Variants in RIF1 observed in about 807,000 individuals in gnomAD.
The protein encoded by RIF1 is replication timing regulatory factor 1.
In RIF1, 45 loss-of-function variants were observed where a neutral mutation model predicts 247.1. The observed-to-expected ratio is 0.18, with a 90% CI of 0.14 to 0.23. RIF1 has a LOEUF of 0.23. Among genes scored for constraint, RIF1 ranks in the 10% least tolerant of loss-of-function variants. RIF1 has a pLI of 1.00. For missense variants in RIF1, 2,967 were observed against 2,862.5 expected (o/e 1.04, Z -0.83); for synonymous variants, 1,087 against 978.8 (o/e 1.11, Z -2.06).
chr2:151,450,655 C>T (rs889115860), intron 20 of RIF1, among the ~76,000 whole-genome samples: 1 of 152,038 alleles, frequency 6.6e-6, no homozygotes, highest in African/African-American at 2.4e-5. Context: ...GTGAACTCGG[C>T]TCACTGCAGC....
the RIF1 span, chr2:151,524,633 A>G: frequency 1.5e-6 from 2 of 1,376,308 alleles, no homozygotes; most frequent in Admixed American, 1.7e-5. Flanking sequence ...TGGGGAAGAA[A>G]ATGTTTACTC....
intron 30 of RIF1, 134 bp from the exon 31 acceptor site, chr2:151,467,864 CTG>C: frequency 2.9e-6 from 2 of 691,386 alleles, no homozygotes; most frequent in Non-Finnish European, 2.4e-6. Context: ...TCGCTAGGAA[CTG>C]TGCAGCTGAC....
intron 20 of RIF1, among the ~76,000 whole-genome samples, chr2:151,447,039 G>T (rs999897281): frequency 5.3e-5 from 8 of 151,434 alleles, no homozygotes; most frequent in African/African-American, 1.7e-4. Flanking sequence ...CGCCTCCCGG[G>T]TTCACGCCAT....
intron 11 of RIF1, among the ~76,000 whole-genome samples, chr2:151,502,136 G>A (rs2065102451): frequency 6.6e-6 from 1 of 152,134 alleles, no homozygotes; most frequent in Non-Finnish European, 1.5e-5. Context: ...ACCAAACATT[G>A]TATGTTCTCA....
chr2:151,411,236 C>A, intron 2 of RIF1, 24 bp from the exon 3 acceptor site: 2 of 1,426,620 alleles, frequency 1.4e-6, no homozygotes, highest in South Asian at 1.2e-5. Context: ...ACTACTTAAA[C>A]TTGTGTTCTT....
At chr2:151,415,127 C>T (rs973318394) in intron 4 of RIF1, among the ~76,000 whole-genome samples, 1 of 151,900 alleles carries the variant, frequency 6.6e-6, no homozygotes, top group Non-Finnish European at 1.5e-5. Context: ...GCGGGTGGAT[C>T]ATGAGGTCAG....
intron 20 of RIF1, among the ~76,000 whole-genome samples, chr2:151,447,194 C>G (rs980366596): frequency 6.6e-6 from 1 of 152,128 alleles, no homozygotes; most frequent in Non-Finnish European, 1.5e-5. Flanking sequence ...CCGCCCGCCT[C>G]GGCCTCCCAA....
chr2:151,414,649 A>C (rs924779429), intron 3 of RIF1, among the ~76,000 whole-genome samples, 174 bp from the exon 4 acceptor site: 20 of 151,824 alleles, frequency 1.3e-4, no homozygotes, highest in African/African-American at 4.8e-4. Context: ...CAAGCTGTAC[A>C]CATGGCCTTT....
At chr2:151,527,690 T>C in the RIF1 span, 19 of 757,010 alleles carry the variant, frequency 2.5e-5, no homozygotes, top group African/African-American at 3.2e-4. Flanking sequence ...TCTCAAATCA[T>C]GATTCCTAAT....
intron 20 of RIF1, among the ~76,000 whole-genome samples, chr2:151,449,841 T>A (rs1351606099): frequency 7.9e-6 from 1 of 126,730 alleles, no homozygotes; most frequent in Non-Finnish European, 1.6e-5. Context: ...ACTACTTTGA[T>A]GCCTTTTTTT....
intron 9 of RIF1, chr2:151,489,999 G>A (rs1318617409): frequency 6.2e-7 from 1 of 1,610,852 alleles, no homozygotes; most frequent in Non-Finnish European, 8.5e-7. Flanking sequence ...AGATGGGATG[G>A]AAGATACCGT....
At chr2:151,446,131 C>T (rs1360177639) in intron 19 of RIF1, among the ~76,000 whole-genome samples, 4 of 152,078 alleles carry the variant, frequency 2.6e-5, no homozygotes, top group East Asian at 1.9e-4. Flanking sequence ...CTCAGCCTCC[C>T]GAGTAGCTGG....
intron 10 of RIF1, chr2:151,496,857 A>AAAT (rs2060547010): frequency 1.4e-6 from 2 of 1,396,054 alleles, no homozygotes; most frequent in Admixed American, 2.4e-5. Flanking sequence ...TGTCTTTAGA[A>AAAT]AATAGGATTA....
chr2:151,498,458 G>T, intron 10 of RIF1: 1 of 737,630 alleles, frequency 1.4e-6, no homozygotes, highest in Non-Finnish European at 2.2e-6. Context: ...GTAAGTTAGA[G>T]GAAGAGAAAT....
At chr2:151,452,740 A>G (rs1288827287) in intron 21 of RIF1, among the ~76,000 whole-genome samples, 2 of 152,258 alleles carry the variant, frequency 1.3e-5, no homozygotes, top group Non-Finnish European at 2.9e-5. Context: ...CCAAGATTAT[A>G]TAACAGATGA....
intron 19 of RIF1, among the ~76,000 whole-genome samples, chr2:151,445,818 C>T (rs909044757): frequency 3.3e-5 from 5 of 152,134 alleles, no homozygotes; most frequent in Admixed American, 2.6e-4. Context: ...GGATTACAGG[C>T]GTGAGCCACT....
At chr2:151,410,875 A>G (rs529436323) in intron 2 of RIF1, among the ~76,000 whole-genome samples, 2 of 151,656 alleles carry the variant, frequency 1.3e-5, no homozygotes, top group East Asian at 1.9e-4. Context: ...AGTTTTTTTA[A>G]CAGAGCAATA....
chr2:151,411,593 G>C (rs1228843795), intron 3 of RIF1, among the ~76,000 whole-genome samples: 1 of 152,070 alleles, frequency 6.6e-6, no homozygotes, highest in Non-Finnish European at 1.5e-5. Flanking sequence ...TAGAGAAGGG[G>C]TTTCTCCATG....
intron 11 of RIF1, among the ~76,000 whole-genome samples, chr2:151,500,980 A>G (rs2064031561): frequency 6.6e-6 from 1 of 152,182 alleles, no homozygotes; most frequent in Admixed American, 6.5e-5. Flanking sequence ...GTCTATGTTA[A>G]GATGATCCCT....
Sources: allele counts gnomAD v4.1 joint callset (sites outside exome capture counted in the v4.1 genomes callset), GRCh38; gene constraint gnomAD v4.1.1; transcripts MANE v1.5; gene names NCBI Gene and HGNC (gene_info 2026-07-23, HGNC 2026-07-21).